MAFG: variants seen among roughly 807,000 people sequenced by gnomAD.
MAFG encodes transcription factor MafG.
A neutral mutation model predicts 12.2 loss-of-function variants in MAFG; 3 were observed. That is an observed-to-expected ratio of 0.25 (90% confidence interval 0.11 to 0.64). The LOEUF is 0.64. Among genes scored for constraint, MAFG ranks in the 30% least tolerant of loss-of-function variants. MAFG has a pLI of 0.85. For synonymous variants in MAFG, 126 were observed against 109.1 expected (o/e 1.15, Z -0.96); for missense variants, 153 against 235.5 (o/e 0.65, Z 2.29).
intron 1 of MAFG, among the ~76,000 whole-genome samples, chr17:81,923,879 T>G (rs1310515738): frequency 1.3e-5 from 2 of 152,012 alleles, no homozygotes; most frequent in Non-Finnish European, 2.9e-5. Context: ...GAACCCCGAG[T>G]CTCCCAGCCT....
chr17:81,930,658 T>TA (rs1037740642), upstream of MAFG: 112 of 150,786 alleles, frequency 7.4e-4, no homozygotes, highest in Middle Eastern at 3.4e-3. The surrounding 1 kb of genome is among the most constrained non-coding windows in gnomAD (Gnocchi z 4.1). Context: ...AGAACCTCTC[T>TA]AAAAAAAAAG....
In MAFG at chr17:81,926,118, C is replaced by A. The variant is rs958326925; in HGVS notation, c.-30+1410G>T. On this transcript the variant is annotated intron_variant, in intron 1 of 2. Transcript: ENST00000357736. This position sits in a 1 kb window ranked among gnomAD's most constrained non-coding sequence, Gnocchi z 4.6. ...CTCCTGGGCAAAGGAAGTCAACCTT[C>A]GTGAATCTCCACATACCCAAGGAAA... Among the ~76,000 whole-genome samples, 8 of 152,066 alleles carry A rather than the reference C, an allele frequency of 5.3e-5. No individual in the cohort carries two copies. The highest frequency in any genetic ancestry group is 1.9e-4 in the African/African-American group (8 of 41,398).
upstream of MAFG, chr17:81,927,777 G>A (rs1208236775): frequency 2.0e-5 from 3 of 152,078 alleles, no homozygotes; most frequent in African/African-American, 4.8e-5. Context: ...GCGGCGACGC[G>A]GCCGGCCGGC....
In MAFG at chr17:81,919,894, A is replaced by G. The variant is rs979355886; in HGVS notation, c.*2711T>C. On this transcript the variant is annotated 3_prime_UTR_variant, in exon 3 of 3. Transcript: ENST00000357736. ...CTCTTGAAAGGAGGTATGGCCTCGA[A>G]ACTCCAGAAGCCTCTTCTGCCAACG... is the stretch of plus-strand genomic sequence containing the variant. The G allele has an allele frequency of 3.3e-5, 5 of 152,174 alleles. No individual in the cohort carries two copies. Among genetic ancestry groups the G allele is most frequent in the African/African-American group, 1.2e-4 (5 of 41,404 alleles). The allele number at this position is 152,174 out of a possible 1,614,324, so 9.4% of individuals were successfully genotyped here. A position where few individuals can be genotyped will look rare whatever the true frequency, so the allele number is the denominator to read the frequency against.
rs1257780950 is a variant in MAFG, at chr17:81,927,684, C to G, written c.-186G>C. On this transcript the variant is annotated 5_prime_UTR_variant, in exon 1 of 3. Coordinates refer to ENST00000357736, the MANE Select transcript of MAFG (RefSeq NM_002359.4). ...GCCGAGCGCACTGGGAAGGCCGGGC[C>G]GGACCAGGCTCGGGATCCGCCGCCG... 6.6e-6 allele frequency: 1 copy of G among 151,714 alleles called. No individual in the cohort carries two copies. Among genetic ancestry groups the G allele is most frequent in the South Asian group, 1.8e-4 (1 of 5,514 alleles). The allele number at this position is 151,714 out of a possible 1,614,324, so 9.4% of individuals were successfully genotyped here.
intron 1 of MAFG, among the ~76,000 whole-genome samples, chr17:81,925,021 C>CCG (rs1555620427): frequency 6.6e-6 from 1 of 152,200 alleles, no homozygotes; most frequent in Non-Finnish European, 1.5e-5. Context: ...AAAGGTGCGC[C>CCG]GGGGGGTGGG....
chr17:81,929,164 C>T (rs141213505), upstream of MAFG, among the ~76,000 whole-genome samples: 1,350 of 152,338 alleles, frequency 8.9e-3, 8 homozygotes, highest in Middle Eastern at 0.02. This position sits in a 1 kb window ranked among gnomAD's most constrained non-coding sequence, Gnocchi z 5.7. Flanking sequence ...CTCATTTGCA[C>T]CTCCGCGCGA....
chr17:81,920,142 C>T lies in MAFG; in HGVS notation c.*2463G>A, dbSNP rs1219713420. 6.6e-6 allele frequency: 1 copy of T among 152,178 alleles called. No homozygotes were observed. Among genetic ancestry groups the T allele is most frequent in the Non-Finnish European group, 1.5e-5 (1 of 68,050 alleles). 9.4% of individuals were successfully genotyped at this position (152,178 alleles called of 1,614,324 possible). A position where few individuals can be genotyped will look rare whatever the true frequency, so the allele number is the denominator to read the frequency against. On this transcript the variant is annotated 3_prime_UTR_variant, in exon 3 of 3. Coordinates refer to ENST00000357736, the MANE Select transcript of MAFG (RefSeq NM_002359.4). ...CTTCATGGATACTTATGATATGATTCCAACTAACGCCTGGATTCTACTTAG... is the reference window on the plus strand; with the variant it reads ...CTTCATGGATACTTATGATATGATTTCAACTAACGCCTGGATTCTACTTAG...
chr17:81,923,269 CCCCCCCG>C, intron 1 of MAFG, 55 bp from the exon 2 acceptor site: 1 of 941,580 alleles, frequency 1.1e-6, no homozygotes, highest in Non-Finnish European at 1.4e-6. Context: ...CGCACCCCCC[CCCCCCCG>C]CCCCCGGCCC....
chr17:81,929,865 A>T (rs2040970983), upstream of MAFG: 1 of 149,464 alleles, frequency 6.7e-6, no homozygotes, highest in African/African-American at 2.6e-5. This position sits in a 1 kb window ranked among gnomAD's most constrained non-coding sequence, Gnocchi z 5.7. Context: ...CCCAGGCTGC[A>T]CCTTCTGTGG....
chr17:81,922,481 G>T lies in MAFG; in HGVS notation c.*124C>A. 1 of 770,938 alleles carries T rather than the reference G, an allele frequency of 1.3e-6. No homozygotes were observed. Among genetic ancestry groups the T allele is most frequent in the Non-Finnish European group, 1.9e-6 (1 of 519,466 alleles). 47.8% of individuals were successfully genotyped at this position (770,938 alleles called of 1,614,324 possible). ...CCTGGGGTACAGGTTGTGCTTTGCAGGGAAGAGAGAAGGGTGGGGAAGAGA... is the reference window on the plus strand; with the variant it reads ...CCTGGGGTACAGGTTGTGCTTTGCATGGAAGAGAGAAGGGTGGGGAAGAGA... On this transcript the variant is annotated 3_prime_UTR_variant, in exon 3 of 3. Transcript: ENST00000357736.
In MAFG at chr17:81,924,199, C is replaced by G. The variant is rs1279271434; in HGVS notation, c.-29-985G>C. On this transcript the variant is annotated intron_variant, in intron 1 of 2. Transcript: ENST00000357736. The surrounding 1 kb of genome is among the most constrained non-coding windows in gnomAD (Gnocchi z 4.7). ...GCCCCTCCGAGCTGCAGCCTGCTCT[C>G]TGGTCCCTGCCCCGGGTGAGTGCCC... The G allele has an allele frequency of 2.6e-5, 4 of 152,308 alleles. No homozygotes were observed. The highest frequency in any genetic ancestry group is 9.6e-5 in the African/African-American group (4 of 41,474). 9.4% of individuals were successfully genotyped at this position (152,308 alleles called of 1,614,324 possible).
chr17:81,927,469 C>T (rs2040951148), intron 1 of MAFG, 59 bp downstream of exon 1: 1 of 147,302 alleles, frequency 6.8e-6, no homozygotes. Flanking sequence ...CCCCTCGGCC[C>T]CCGCCGCCCC....
intron 2 of MAFG, 35 bp from the exon 3 acceptor site, chr17:81,923,092 G>A (rs749653995): frequency 1.9e-6 from 3 of 1,609,640 alleles, no homozygotes; most frequent in Admixed American, 1.7e-5. Context: ...AGGCCAAGCG[G>A]GCACGCCCAC....
rs2040875583 is a variant in MAFG at position 81,920,130 on chromosome 17, TATG to T, written c.*2472_*2474del. On this transcript the variant is annotated 3_prime_UTR_variant, in exon 3 of 3. Transcript: ENST00000357736. ...TCATGACGTTTTCTTCATGGATACTTATGATATGATTCCAACTAACGCCTGGAT... is the reference window on the plus strand; with the variant it reads ...TCATGACGTTTTCTTCATGGATACTTATATGATTCCAACTAACGCCTGGAT... The T allele has an allele frequency of 6.6e-6, 1 of 152,190 alleles. No individual in the cohort carries two copies. Among genetic ancestry groups the T allele is most frequent in the South Asian group, 2.1e-4 (1 of 4,828 alleles). The allele number at this position is 152,190 out of a possible 1,614,324, so 9.4% of individuals were successfully genotyped here.
rs961182666 is a variant in MAFG at position 81,923,270 on chromosome 17, C to CA, written c.-29-57_-29-56insT. 9.7e-5 allele frequency: 93 copies of CA among 957,894 alleles called. 2 individuals are homozygous for CA. Among genetic ancestry groups the CA allele is most frequent in the Middle Eastern group, 7.1e-4 (2 of 2,812 alleles). 59.3% of individuals were successfully genotyped at this position (957,894 alleles called of 1,614,324 possible). ...GAGACCACCCTCGCCGCACCCCCCC[C>CA]CCCCCGCCCCCGGCCCAGTTCACAA... On this transcript the variant is annotated intron_variant, in intron 1 of 2. Transcript: ENST00000357736.
upstream of MAFG, chr17:81,928,559 TCCGCCTGTC>T (rs2040961169): frequency 6.6e-6 from 1 of 152,228 alleles, no homozygotes; most frequent in South Asian, 2.1e-4. This position sits in a 1 kb window ranked among gnomAD's most constrained non-coding sequence, Gnocchi z 8.1. Flanking sequence ...GAAGCGTCCC[TCCGCCTGTC>T]CCTGCCAGAC....
At chr17:81,928,865 G>A (rs1195195519), upstream of MAFG, among the ~76,000 whole-genome samples, 1 of 152,210 alleles carries the variant, frequency 6.6e-6, no homozygotes, top group East Asian at 1.9e-4. This position sits in a 1 kb window ranked among gnomAD's most constrained non-coding sequence, Gnocchi z 8.1. Context: ...CACTGGGCTG[G>A]CGAGGGGAGG....
Position 81,923,198 on chromosome 17 carries a change from C to G in MAFG, c.-13G>C. On this transcript the variant is annotated 5_prime_UTR_variant, in exon 2 of 3. Transcript: ENST00000357736. ...TGGGGGTCGTCATAACCCGGGGGCA[C>G]AGCGAGCAGGCGCTCTCTGCAAGAC... The G allele has an allele frequency of 6.3e-7, 1 of 1,594,560 alleles. No individual in the cohort carries two copies.
Sources: gnomAD v4.1 joint callset for allele counts (sites outside exome capture counted in the v4.1 genomes callset) on GRCh38, gnomAD v4.1.1 for gene constraint, Gnocchi (gnomAD v3.1) non-coding constraint, MANE v1.5 for transcripts, NCBI Gene and HGNC (gene_info 2026-07-23, HGNC 2026-07-21) for gene names.